YPEL1: variants seen among roughly 807,000 people sequenced by gnomAD.
The protein encoded by YPEL1 is protein yippee-like 1.
Under a neutral mutation model 17.3 loss-of-function variants are expected in YPEL1, and 7 were observed. The observed-to-expected ratio is 0.40, with a 90% CI of 0.23 to 0.76. The LOEUF is 0.76. Ranked by LOEUF, YPEL1 falls within the 30% of genes least tolerant of loss-of-function variation. The probability of loss-of-function intolerance (pLI) is 0.35; values close to 1 mark genes in which losing one functional copy is unlikely to be tolerated. For missense variants in YPEL1, 91 were observed against 155.5 expected (o/e 0.59, Z 2.21); for synonymous variants, 59 against 59.6 (o/e 0.99, Z 0.05).
chr22:21,698,335 G>C lies in YPEL1; in HGVS notation c.*2794C>G, dbSNP rs1320104794. On this transcript the variant is annotated 3_prime_UTR_variant, in exon 5 of 5. Transcript: ENST00000339468. Reference sequence around the variant, plus strand: ...TCAATCAATGCCGTCACAAAAGACAGTACAAAAACCAAAGTGCCCAAATAG... The same window carrying C: ...TCAATCAATGCCGTCACAAAAGACACTACAAAAACCAAAGTGCCCAAATAG... 1.3e-5 allele frequency: 2 copies of C among 149,840 alleles called. No individual in the cohort carries two copies. The highest frequency in any genetic ancestry group is 3.0e-5 in the Non-Finnish European group (2 of 67,620). 9.3% of individuals were successfully genotyped at this position (149,840 alleles called of 1,614,324 possible).
intron 1 of YPEL1, among the ~76,000 whole-genome samples, chr22:21,733,708 T>A (rs2068410423): frequency 6.6e-6 from 1 of 152,092 alleles, no homozygotes; most frequent in Non-Finnish European, 1.5e-5. Flanking sequence ...GGTGACAGAA[T>A]GAGACCTTGT....
intron 1 of YPEL1, 45 bp from the exon 2 acceptor site, chr22:21,710,953 C>T (rs1288473784): frequency 1.7e-5 from 10 of 575,820 alleles, no homozygotes; most frequent in Non-Finnish European, 2.5e-5. Flanking sequence ...AGAGAACATG[C>T]GTGTGAAGCA....
intron 2 of YPEL1, among the ~76,000 whole-genome samples, chr22:21,704,739 C>T (rs1216159990): frequency 6.6e-6 from 1 of 151,514 alleles, no homozygotes; most frequent in South Asian, 2.1e-4. Context: ...TCTATCTCAC[C>T]AGGAAAATAA....
chr22:21,731,331 CAAA>C (rs35487299), intron 1 of YPEL1, among the ~76,000 whole-genome samples: 1 of 141,498 alleles, frequency 7.1e-6, no homozygotes, highest in African/African-American at 2.6e-5. Context: ...GACCCTGTGT[CAAA>C]AAAAAAAAAG....
intron 1 of YPEL1, among the ~76,000 whole-genome samples, chr22:21,722,057 CT>C (rs1032426673): frequency 6.6e-6 from 1 of 152,106 alleles, no homozygotes; most frequent in East Asian, 1.9e-4. Flanking sequence ...ATTCCCTTGT[CT>C]TTTTTTAAGG....
intron 1 of YPEL1, among the ~76,000 whole-genome samples, chr22:21,722,629 A>C (rs1323523524): frequency 1.3e-5 from 2 of 151,956 alleles, no homozygotes; most frequent in African/African-American, 4.8e-5. Flanking sequence ...GGGCAAAAAA[A>C]AAACAAAACA....
chr22:21,720,403 GT>G (rs2068269691), intron 1 of YPEL1, among the ~76,000 whole-genome samples: 1 of 151,794 alleles, frequency 6.6e-6, no homozygotes, highest in African/African-American at 2.4e-5. Context: ...GTCTCACTTT[GT>G]TACCCAAGCT....
chr22:21,701,620 C>G (rs1175677228), intron 4 of YPEL1, among the ~76,000 whole-genome samples: 2 of 152,136 alleles, frequency 1.3e-5, no homozygotes, highest in Non-Finnish European at 2.9e-5. Context: ...ACTTGTAGGA[C>G]AGTGTGAATG....
At chr22:21,702,255 TGTG>T (rs1477451250) in intron 4 of YPEL1, among the ~76,000 whole-genome samples, 2 of 151,848 alleles carry the variant, frequency 1.3e-5, no homozygotes, top group African/African-American at 4.8e-5. Context: ...GGGAATGCAG[TGTG>T]GTGGCCATGC....
chr22:21,729,995 T>C (rs1238236857), intron 1 of YPEL1, among the ~76,000 whole-genome samples: 1 of 151,554 alleles, frequency 6.6e-6, no homozygotes, highest in Non-Finnish European at 1.5e-5. Context: ...CTACTAAAAA[T>C]ACAAAAATTA....
At chr22:21,705,169 G>C (rs2068103665) in intron 2 of YPEL1, among the ~76,000 whole-genome samples, 8 of 152,182 alleles carry the variant, frequency 5.3e-5, no homozygotes, top group Admixed American at 5.2e-4. Flanking sequence ...TTTAGAGATA[G>C]GGTTTCGCCA....
chr22:21,719,807 C>T (rs966521863), intron 1 of YPEL1, among the ~76,000 whole-genome samples: 1 of 152,080 alleles, frequency 6.6e-6, no homozygotes, highest in Non-Finnish European at 1.5e-5. Flanking sequence ...GCGGGTGGAT[C>T]ATGAGGTCAG....
At chr22:21,723,429 G>A (rs1473624474) in intron 1 of YPEL1, among the ~76,000 whole-genome samples, 2 of 152,076 alleles carry the variant, frequency 1.3e-5, no homozygotes, top group African/African-American at 2.4e-5. Flanking sequence ...GTGCAGTGGC[G>A]CGATCTCGGT....
chr22:21,702,798 G>A (rs922132759), intron 4 of YPEL1, among the ~76,000 whole-genome samples: 2 of 152,212 alleles, frequency 1.3e-5, no homozygotes, highest in Admixed American at 1.3e-4. Flanking sequence ...GGAGGGAAGC[G>A]GGGCAGGAAG....
chr22:21,719,123 T>A (rs2068255537), intron 1 of YPEL1, among the ~76,000 whole-genome samples: 1 of 152,176 alleles, frequency 6.6e-6, no homozygotes, highest in African/African-American at 2.4e-5. Context: ...CTTGCTGACA[T>A]GCCCTGGGGA....
At chr22:21,709,597 A>T (rs1264860789) in intron 2 of YPEL1, among the ~76,000 whole-genome samples, 1 of 152,176 alleles carries the variant, frequency 6.6e-6, no homozygotes, top group African/African-American at 2.4e-5. Context: ...GCAACATGGT[A>T]AAACCCTGTC....
rs561170933 is a variant in YPEL1 at position 21,722,141 on chromosome 22, C to T, written c.-164-11233G>A. On this transcript the variant is annotated intron_variant, in intron 1 of 4. Coordinates refer to ENST00000339468, the MANE Select transcript of YPEL1 (RefSeq NM_013313.5). ...GCACTTCAAAAAGTGGCCATTTGGC[C>T]AGCGCGGTGGCTCATGCTTGTAATC... is the stretch of plus-strand genomic sequence containing the variant. Among the ~76,000 whole-genome samples the T allele has an allele frequency of 4.6e-5, 7 of 152,170 alleles. No homozygotes were observed. In the South Asian group the frequency reaches 8.3e-4, roughly 18 times the overall value.
At chr22:21,712,469 G>A (rs1028825359) in intron 1 of YPEL1, among the ~76,000 whole-genome samples, 1 of 145,336 alleles carries the variant, frequency 6.9e-6, no homozygotes, top group Non-Finnish European at 1.5e-5. Context: ...GCTCACGCCT[G>A]TAATCCCAGC....
chr22:21,728,172 G>A (rs1011145457), intron 1 of YPEL1, among the ~76,000 whole-genome samples: 16 of 152,116 alleles, frequency 1.1e-4, no homozygotes, highest in Admixed American at 2.0e-4. Context: ...GTGAGAGGTG[G>A]TGGTGTCACC....
Sources: gnomAD v4.1 joint callset for allele counts (sites outside exome capture counted in the v4.1 genomes callset) on GRCh38, gnomAD v4.1.1 for gene constraint, MANE v1.5 for transcripts, NCBI Gene and HGNC (gene_info 2026-07-23, HGNC 2026-07-21) for gene names.